The following PTCD3 variants were observed in gnomAD, a reference collection of about 807,000 sequenced individuals.
The protein encoded by PTCD3 is small ribosomal subunit protein mS39.
A neutral mutation model predicts 101.9 loss-of-function variants in PTCD3; 89 were observed. The ratio of observed to expected loss-of-function variants is 0.87; its 90% confidence interval spans 0.74 to 1.04. The LOEUF is 1.04. PTCD3 is among the 50% of genes least tolerant of loss of function. PTCD3 has a pLI of 0.00. For missense variants in PTCD3, 870 were observed against 828.2 expected (o/e 1.05, Z -0.62); for synonymous variants, 296 against 278.5 (o/e 1.06, Z -0.63).
intron 22 of PTCD3, 112 bp downstream of exon 22, chr2:86,136,674 T>C (rs1192513382): frequency 8.9e-6 from 11 of 1,238,628 alleles, no homozygotes; most frequent in Non-Finnish European, 1.3e-5. Flanking sequence ...TAGGCAAGCA[T>C]ACCGTCAACT....
chr2:86,114,184 A>T (rs1293385308), intron 4 of PTCD3, among the ~76,000 whole-genome samples: 1 of 152,262 alleles, frequency 6.6e-6, no homozygotes, highest in Non-Finnish European at 1.5e-5. Flanking sequence ...TGTGCTGGAT[A>T]TAGAATTAGA....
chr2:86,132,989 G>A (rs1205110034), intron 17 of PTCD3, 189 bp from the exon 18 acceptor site: 8 of 784,044 alleles, frequency 1.0e-5, no homozygotes, highest in Non-Finnish European at 1.6e-5. Flanking sequence ...CCAGTTGAGG[G>A]TAGGGTGTTT....
intron 1 of PTCD3, among the ~76,000 whole-genome samples, chr2:86,107,829 A>G (rs529609818): frequency 6.6e-5 from 10 of 152,350 alleles, no homozygotes; most frequent in African/African-American, 2.4e-4. Context: ...GCAAGAGCTC[A>G]CTGAATTGTT....
rs560094493 is a variant in PTCD3, at chr2:86,139,978, C to G, written c.*2419C>G. ...CATTTGAGGGTTGTTTTATAGCCATCAAAGTATTCAAGAGGTTGGATGGCA... is the reference window on the plus strand; with the variant it reads ...CATTTGAGGGTTGTTTTATAGCCATGAAAGTATTCAAGAGGTTGGATGGCA... On this transcript the variant is annotated 3_prime_UTR_variant, in exon 24 of 24. Transcript: ENST00000254630. 2 of 152,264 alleles carry G rather than the reference C, an allele frequency of 1.3e-5. No homozygotes were observed. The highest frequency in any genetic ancestry group is 2.1e-4 in the South Asian group (1 of 4,824). 9.4% of individuals were successfully genotyped at this position (152,264 alleles called of 1,614,324 possible). A position where few individuals can be genotyped will look rare whatever the true frequency, so the allele number is the denominator to read the frequency against.
rs756015962 is a variant in PTCD3, at chr2:86,106,344, A to C, written c.97A>C (p.Ser33Arg). The change falls in exon 1 of 24, where the codon AGC (serine) becomes CGC (arginine). Residue 33 changes from serine to arginine, a missense_variant. By Grantham distance (110) the Ser-to-Arg change is moderately radical (BLOSUM62 -1). Transcript: ENST00000254630. ...RRAGLCEQAR[S>R]CRFYSGSATL... is the part of the protein sequence containing the mutation. ...GGCGGGTTTGTGTGAACAGGCACGC[A>C]GCTGCAGGTAAGAGACGCTTAGGGT... 3.7e-6 allele frequency: 6 copies of C among 1,613,812 alleles called. No homozygotes were observed. The highest frequency in any genetic ancestry group is 1.3e-5 in the African/African-American group (1 of 74,928).
At chr2:86,134,471 T>C (rs2104462395) in intron 20 of PTCD3, 94 bp downstream of exon 20, 2 of 1,033,354 alleles carry the variant, frequency 1.9e-6, no homozygotes, top group East Asian at 2.4e-5. Flanking sequence ...TGGAGAGTTC[T>C]GCTACCCAAA....
rs1038142973 is a variant in PTCD3, at chr2:86,112,429, C to T, written c.240+1271C>T. Among the ~76,000 whole-genome samples, 15 of 151,042 alleles carry T rather than the reference C, an allele frequency of 9.9e-5. 1 individual carries two copies. The highest frequency in any genetic ancestry group is 2.0e-4 in the East Asian group (1 of 5,084). ...CACATCTGTAATCCCATCACTAATC[C>T]CATCACTTTGGGAGACCGAGGGAGG... On this transcript the variant is annotated intron_variant, in intron 4 of 23. Transcript: ENST00000254630.
chr2:86,108,018 C>T (rs995588074), intron 1 of PTCD3, among the ~76,000 whole-genome samples: 1 of 151,818 alleles, frequency 6.6e-6, no homozygotes, highest in Admixed American at 6.6e-5. Flanking sequence ...CCTAGTTACT[C>T]AGGAGGCTGA....
In PTCD3 at chr2:86,125,945, G is replaced by T; in HGVS notation, c.951+65G>T. The stretch of plus-strand genomic sequence containing the variant: ...AATACTCTTTACCAGAAATACATGG[G>T]CTGGCCAGGTGTGGTGGCTCAAACC... On this transcript the variant is annotated intron_variant, in intron 12 of 23. Transcript: ENST00000254630. The T allele has an allele frequency of 3.3e-6, 4 of 1,214,754 alleles. No individual in the cohort carries two copies. The South Asian group carries it at 5.3e-5, about 16-fold the overall frequency. 75.2% of individuals were successfully genotyped at this position (1,214,754 alleles called of 1,614,324 possible).
In PTCD3 at chr2:86,132,405, C is replaced by G. The variant is rs957161702; in HGVS notation, c.1354C>G (p.Gln452Glu). ...GDNWKFIGPD[Q>E]HRNFYYSKFF... ...CAACTGGAAATTCATTGGACCTGATCAACATCGTAATTTCTATTAGTAAGT... is the reference window on the plus strand; with the variant it reads ...CAACTGGAAATTCATTGGACCTGATGAACATCGTAATTTCTATTAGTAAGT... Residue 452 changes from glutamine to glutamate, a missense_variant, in exon 17 of 24, where the codon CAA becomes GAA. Coordinates refer to ENST00000254630, the MANE Select transcript of PTCD3 (RefSeq NM_017952.6). 2.5e-6 allele frequency: 4 copies of G among 1,594,484 alleles called. No individual in the cohort carries two copies. The South Asian group carries it at 3.3e-5, about 13-fold the overall frequency.
intron 14 of PTCD3, among the ~76,000 whole-genome samples, chr2:86,128,275 T>TTG (rs1674434003): frequency 6.6e-6 from 1 of 151,726 alleles, no homozygotes; most frequent in Non-Finnish European, 1.5e-5. Flanking sequence ...TTTTTTTTTT[T>TTG]TTTTTGGACA....
At chr2:86,111,250 C>T (rs965120975) in intron 4 of PTCD3, 92 bp downstream of exon 4, 34 of 1,110,108 alleles carry the variant, frequency 3.1e-5, no homozygotes, top group Non-Finnish European at 4.3e-5. Context: ...ACTCATACCT[C>T]GTCATTACTC....
At chr2:86,127,717 A>T in intron 13 of PTCD3, 1 of 549,148 alleles carries the variant, frequency 1.8e-6, no homozygotes, top group Non-Finnish European at 3.2e-6. Flanking sequence ...GAAGAATGTG[A>T]CTAATAAGTA....
chr2:86,129,870 A>G (rs886837390), intron 14 of PTCD3, among the ~76,000 whole-genome samples: 2 of 152,098 alleles, frequency 1.3e-5, no homozygotes, highest in Non-Finnish European at 2.9e-5. Context: ...TTTGACTGGG[A>G]ATATTGCAGA....
chr2:86,108,596 T>A, intron 3 of PTCD3, 60 bp downstream of exon 3: 1 of 1,459,428 alleles, frequency 6.9e-7, no homozygotes, highest in Admixed American at 2.1e-5. Flanking sequence ...GAGAGAAGTG[T>A]AAGGGTTAGG....
chr2:86,113,468 C>A (rs991754419), intron 4 of PTCD3, among the ~76,000 whole-genome samples: 2 of 152,100 alleles, frequency 1.3e-5, no homozygotes, highest in African/African-American at 4.8e-5. Flanking sequence ...ATTACAAGTA[C>A]GCAGAATTGT....
At chr2:86,123,872 T>G in intron 9 of PTCD3, 110 bp downstream of exon 9, 1 of 742,836 alleles carries the variant, frequency 1.3e-6, no homozygotes, top group Non-Finnish European at 2.0e-6. Context: ...TAATTGATTT[T>G]TATTGTGCAA....
At chr2:86,124,529 G>T (rs1169627357) in intron 9 of PTCD3, among the ~76,000 whole-genome samples, 1 of 152,202 alleles carries the variant, frequency 6.6e-6, no homozygotes, top group Non-Finnish European at 1.5e-5. Flanking sequence ...AGAGGTGGAG[G>T]CAGGAGAATC....
rs774963719 is a variant in PTCD3, at chr2:86,123,770, A to G, written c.716+8A>G. 1.9e-6 allele frequency: 3 copies of G among 1,586,866 alleles called. No individual in the cohort carries two copies. Among genetic ancestry groups the G allele is most frequent in the Admixed American group, 1.8e-5 (1 of 55,650 alleles). ...GTTTGGAGTTACATGGCGGTATGTCACACGTAATTAGAACCTTGAATTACA... is the reference window on the plus strand; with the variant it reads ...GTTTGGAGTTACATGGCGGTATGTCGCACGTAATTAGAACCTTGAATTACA... On this transcript the variant is annotated splice_region_variant and intron_variant, in intron 9 of 23. Transcript: ENST00000254630.
Sources: gnomAD v4.1 joint callset for allele counts (sites outside exome capture counted in the v4.1 genomes callset) on GRCh38, gnomAD v4.1.1 for gene constraint, MANE v1.5 for transcripts, NCBI Gene and HGNC (gene_info 2026-07-23, HGNC 2026-07-21) for gene names.